Variants in TUBA1C observed in about 807,000 individuals in gnomAD.
The protein encoded by TUBA1C is tubulin alpha-1C chain.
A neutral mutation model predicts 34.9 loss-of-function variants in TUBA1C; 16 were observed. The ratio of observed to expected loss-of-function variants is 0.46; its 90% CI spans 0.31 to 0.70. The LOEUF is 0.70. Ranked by LOEUF, TUBA1C falls within the 30% of genes least tolerant of loss-of-function variation. The pLI, the probability that TUBA1C is intolerant of heterozygous loss-of-function variation, is 0.05. For synonymous variants in TUBA1C, 177 were observed against 215.9 expected (o/e 0.82, Z 1.58); for missense variants, 329 against 587.3 (o/e 0.56, Z 4.55).
chr12:49,263,618 G>A (rs1942863068), upstream of TUBA1C, among the ~76,000 whole-genome samples: 1 of 152,034 alleles, frequency 6.6e-6, no homozygotes, highest in East Asian at 1.9e-4. Context: ...ATGAGCCACC[G>A]TGCCCGGCCA....
intron 1 of TUBA1C, among the ~76,000 whole-genome samples, chr12:49,247,188 A>G (rs12314967): frequency 0.017 from 2,524 of 152,078 alleles, 72 homozygotes; most frequent in African/African-American, 0.057. Context: ...AAAAGAAACT[A>G]AGCAGAGAGA....
intron 1 of TUBA1C, among the ~76,000 whole-genome samples, chr12:49,240,404 G>T (rs1942603062): frequency 6.6e-6 from 1 of 151,656 alleles, no homozygotes; most frequent in Non-Finnish European, 1.5e-5. Context: ...CAGAGGAACT[G>T]CCTTAAAAAT....
At chr12:49,247,440 C>T (rs1210486769) in intron 1 of TUBA1C, among the ~76,000 whole-genome samples, 1 of 151,894 alleles carries the variant, frequency 6.6e-6, no homozygotes, top group Non-Finnish European at 1.5e-5. Flanking sequence ...ACCTGTAATC[C>T]CAGCTACTCA....
At chr12:49,256,847 G>C (rs964877440) in intron 1 of TUBA1C, among the ~76,000 whole-genome samples, 1 of 152,128 alleles carries the variant, frequency 6.6e-6, no homozygotes, top group Non-Finnish European at 1.5e-5. Context: ...TAAAGTTGTA[G>C]ATATAAAAGT....
At chr12:49,231,339 T>C (rs1452608113) in intron 1 of TUBA1C, among the ~76,000 whole-genome samples, 1 of 152,014 alleles carries the variant, frequency 6.6e-6, no homozygotes, top group Middle Eastern at 3.2e-3. Context: ...CAGCTCTAAT[T>C]TTTAAAAAAT....
intron 3 of TUBA1C, 31 bp from the exon 4 acceptor site, chr12:49,272,222 A>C: frequency 6.4e-7 from 1 of 1,568,906 alleles, no homozygotes; most frequent in Non-Finnish European, 8.6e-7. Flanking sequence ...AAACTTTCGC[A>C]ACACTAAAAT....
At chr12:49,257,944 C>T (rs1052106508) in intron 1 of TUBA1C, 26 of 170,734 alleles carry the variant, frequency 1.5e-4, no homozygotes, top group Admixed American at 4.5e-4. Flanking sequence ...CTGCAGCCTC[C>T]GCCTTCCGGG....
intron 1 of TUBA1C, among the ~76,000 whole-genome samples, chr12:49,248,239 C>T (rs886769358): frequency 6.6e-6 from 1 of 151,138 alleles, no homozygotes; most frequent in Admixed American, 6.6e-5. Context: ...AGAGCCACTA[C>T]ACTCCAGCCT....
At chr12:49,238,182 TG>T (rs1942577412) in intron 1 of TUBA1C, among the ~76,000 whole-genome samples, 1 of 152,092 alleles carries the variant, frequency 6.6e-6, no homozygotes, top group Admixed American at 6.6e-5. Context: ...ACGAAGTTAT[TG>T]GGTATCGAAC....
At position 49,228,150 on chromosome 12, in the gene TUBA1C, C is replaced by T. The variant is rs750575309; in HGVS notation, c.197C>T (p.Pro66Leu). 11 of 1,535,706 alleles carry T rather than the reference C, an allele frequency of 7.2e-6. 1 individual carries two copies. Among genetic ancestry groups the T allele is most frequent in the South Asian group, 2.4e-5 (2 of 84,068 alleles). Residue 66 changes from proline to leucine, a missense_variant, in exon 1 of 4, where the codon CCT becomes CTT. Coordinates refer to the TUBA1C transcript ENST00000541364. Reference sequence around the variant, plus strand: ...ACATCCAGCAAAAGCAGAGGAGAACCTGGCTGTGATTCAAAGGTAAGGCTG... The same window carrying T: ...ACATCCAGCAAAAGCAGAGGAGAACTTGGCTGTGATTCAAAGGTAAGGCTG...
chr12:49,232,094 C>G (rs769867672), intron 1 of TUBA1C, among the ~76,000 whole-genome samples: 1 of 152,158 alleles, frequency 6.6e-6, no homozygotes, highest in Non-Finnish European at 1.5e-5. Context: ...GGCCACCCAA[C>G]GCTTGCTTTC....
rs540677187 is a variant in TUBA1C, at chr12:49,247,580, G to A, written c.213+19414G>A. Among the ~76,000 whole-genome samples the A allele has an allele frequency of 1.1e-3, 161 of 152,056 alleles. 1 individual carries two copies. Among genetic ancestry groups the A allele is most frequent in the Non-Finnish European group, 1.5e-3 (99 of 68,000 alleles). On this transcript the variant is annotated intron_variant, in intron 1 of 3. Transcript: ENST00000541364. Reference sequence around the variant, plus strand: ...GATTGCACCACTGCACTCTAGCCTGGGCAACAGAGCGAGACTCTGTCTCAA... The same window carrying A: ...GATTGCACCACTGCACTCTAGCCTGAGCAACAGAGCGAGACTCTGTCTCAA...
At chr12:49,229,457 G>GCCACCACA (rs1409327409) in intron 1 of TUBA1C, among the ~76,000 whole-genome samples, 1 of 152,190 alleles carries the variant, frequency 6.6e-6, no homozygotes, top group East Asian at 1.9e-4. Flanking sequence ...ACAGGCGTGA[G>GCCACCACA]CCACCACACC....
At chr12:49,263,193 A>G (rs1238272404), upstream of TUBA1C, among the ~76,000 whole-genome samples, 1 of 151,826 alleles carries the variant, frequency 6.6e-6, no homozygotes, top group African/African-American at 2.4e-5. Flanking sequence ...ACTAATTTTC[A>G]CATTTTTTGG....
Position 49,273,360 on chromosome 12 carries a change from C to T in TUBA1C, c.*133C>T. On this transcript the variant is annotated 3_prime_UTR_variant, in exon 4 of 4. Coordinates refer to ENST00000301072, the MANE Select transcript of TUBA1C (RefSeq NM_032704.5). ...TGTCGAGCTGACTTAAATACTTGAT[C>T]CAGTTAAAGTTGGATGTATGAGGCT... 2.0e-6 allele frequency: 3 copies of T among 1,535,282 alleles called. No homozygotes were observed. Among genetic ancestry groups the T allele is most frequent in the Non-Finnish European group, 2.7e-6 (3 of 1,130,740 alleles).
intron 1 of TUBA1C, among the ~76,000 whole-genome samples, chr12:49,247,217 A>C (rs892991210): frequency 2.0e-5 from 3 of 152,098 alleles, no homozygotes; most frequent in African/African-American, 7.2e-5. Context: ...TACAAACCTC[A>C]GAGGGGAGAC....
chr12:49,239,567 TGAGGTG>T (rs1942590537), intron 1 of TUBA1C, among the ~76,000 whole-genome samples: 1 of 150,168 alleles, frequency 6.7e-6, no homozygotes, highest in Admixed American at 6.7e-5. Flanking sequence ...CTTGAACCCA[TGAGGTG>T]GAGGTCGCAG....
At chr12:49,232,597 G>GA (rs985272028) in intron 1 of TUBA1C, among the ~76,000 whole-genome samples, 1 of 152,014 alleles carries the variant, frequency 6.6e-6, no homozygotes, top group Admixed American at 6.6e-5. Context: ...CTTCTTATGA[G>GA]AAAAAAATAT....
At chr12:49,238,870 C>T (rs1377080959) in intron 1 of TUBA1C, among the ~76,000 whole-genome samples, 1 of 152,142 alleles carries the variant, frequency 6.6e-6, no homozygotes, top group Non-Finnish European at 1.5e-5. Context: ...CGTCCCTGGG[C>T]ACACCACTCT....
Sources: allele counts gnomAD v4.1 joint callset (sites outside exome capture counted in the v4.1 genomes callset), GRCh38; gene constraint gnomAD v4.1.1; transcripts MANE v1.5; gene names NCBI Gene and HGNC (gene_info 2026-07-23, HGNC 2026-07-21).